The following ZNF496 variants were observed in gnomAD, a reference collection of about 807,000 sequenced individuals.
ZNF496 encodes zinc finger protein 496, also known as NSD1 (nuclear receptor binding SET-domain containing 1)-interacting zinc finger protein 1.
In ZNF496, 11 loss-of-function variants were observed where a neutral mutation model predicts 58.9. The ratio of observed to expected loss-of-function variants is 0.19; its 90% CI spans 0.12 to 0.31. The LOEUF (loss-of-function observed/expected upper bound fraction) is 0.31. Ranked by LOEUF, ZNF496 falls within the 10% of genes least tolerant of loss-of-function variation. ZNF496 has a pLI of 1.00. For synonymous variants in ZNF496, 338 were observed against 318.2 expected (o/e 1.06, Z -0.66); for missense variants, 660 against 783.0 (o/e 0.84, Z 1.88).
intron 5 of ZNF496, among the ~76,000 whole-genome samples, chr1:247,326,053 C>CAG (rs1660111122): frequency 1.2e-5 from 1 of 80,326 alleles, no homozygotes; most frequent in Non-Finnish European, 2.9e-5. Flanking sequence ...TATATATACA[C>CAG]ACACACACAC....
chr1:247,318,192 G>A (rs556245238), intron 6 of ZNF496, among the ~76,000 whole-genome samples: 15 of 152,206 alleles, frequency 9.9e-5, no homozygotes, highest in African/African-American at 3.6e-4. Flanking sequence ...ACAACAGAGA[G>A]AATACAGGCT....
At chr1:247,323,339 A>T in intron 5 of ZNF496, 109 bp from the exon 6 acceptor site, 1 of 735,866 alleles carries the variant, frequency 1.4e-6, no homozygotes, top group Non-Finnish European at 2.3e-6. Context: ...AGCAAAGAAA[A>T]TCACAAGAGA....
Position 247,331,854 on chromosome 1 carries a change from C to G in ZNF496, c.-434G>C, listed in dbSNP as rs1331984225. On this transcript the variant is annotated 5_prime_UTR_variant, in exon 1 of 10. Coordinates refer to ENST00000682384, the MANE Select transcript of ZNF496 (RefSeq NM_032752.3). Reference sequence around the variant, plus strand: ...GCCGCCGCGGGAGCCCGCCGGACGCCGAGGAAAGGAAAGGCCGGAGCCCTC... The same window carrying G: ...GCCGCCGCGGGAGCCCGCCGGACGCGGAGGAAAGGAAAGGCCGGAGCCCTC... The G allele has an allele frequency of 1.3e-5, 2 of 149,284 alleles. No homozygotes were observed. The highest frequency in any genetic ancestry group is 3.0e-5 in the Non-Finnish European group (2 of 67,098). 9.2% of individuals were successfully genotyped at this position (149,284 alleles called of 1,614,324 possible).
intron 5 of ZNF496, among the ~76,000 whole-genome samples, chr1:247,325,051 T>C (rs950715540): frequency 3.3e-5 from 5 of 152,262 alleles, no homozygotes; most frequent in African/African-American, 7.2e-5. Flanking sequence ...AGCTGTGCTA[T>C]AGTCTACTGG....
At position 247,309,596 on chromosome 1, in the gene ZNF496, G is replaced by A. The variant is rs1307922969; in HGVS notation, c.892+103C>T. On this transcript the variant is annotated intron_variant, in intron 8 of 9. Coordinates refer to ENST00000682384, the MANE Select transcript of ZNF496 (RefSeq NM_032752.3). The surrounding 1 kb of genome is among the most constrained non-coding windows in gnomAD (Gnocchi z 4.3). ...ACATAGAGTCTGGGGAAATGAAGAA[G>A]GCAATTAGGGGCCGCAGAGAGAAGC... 8.6e-6 allele frequency: 13 copies of A among 1,510,964 alleles called. No homozygotes were observed. Among genetic ancestry groups the A allele is most frequent in the Admixed American group, 6.6e-5 (3 of 45,452 alleles). 93.6% of individuals were successfully genotyped at this position (1,510,964 alleles called of 1,614,324 possible).
intron 6 of ZNF496, chr1:247,312,733 CA>C (rs35362670): frequency 0.9 from 114,525 of 127,458 alleles, 51,891 homozygotes; most frequent in East Asian, 0.98. Context: ...GACTCCATCT[CA>C]AAAAAAAAAA....
At chr1:247,303,453 T>C (rs1472971979) in intron 9 of ZNF496, among the ~76,000 whole-genome samples, 1 of 152,218 alleles carries the variant, frequency 6.6e-6, no homozygotes, top group Non-Finnish European at 1.5e-5. Context: ...GAAGTGATTT[T>C]AGAACTAGGT....
rs1405653429 is a variant in ZNF496, at chr1:247,329,435, G to C, written c.144C>G (p.Phe48Leu). Residue 48 changes from phenylalanine to leucine, a missense_variant, in exon 4 of 10, where the codon TTC becomes TTG. Coordinates refer to ENST00000682384, the MANE Select transcript of ZNF496 (RefSeq NM_032752.3). This position sits in a 1 kb window ranked among gnomAD's most constrained non-coding sequence, Gnocchi z 5.5. ...PESSRRLFRR[F>L]RYQEAAGPRE... ...GGGGGCCCGCCGCCTCCTGGTAGCG[G>C]AAACGGCGGAAGAGACGCCGAGAGG... The C allele has an allele frequency of 6.2e-7, 1 of 1,613,066 alleles. No homozygotes were observed. The highest frequency in any genetic ancestry group is 1.3e-5 in the African/African-American group (1 of 74,928).
chr1:247,321,536 A>T (rs1473985914), intron 6 of ZNF496, among the ~76,000 whole-genome samples: 1 of 152,226 alleles, frequency 6.6e-6, no homozygotes, highest in African/African-American at 2.4e-5. Context: ...TACCACAATT[A>T]AAAACAGAAA....
chr1:247,322,390 TCA>T (rs968471229), intron 6 of ZNF496, among the ~76,000 whole-genome samples: 4 of 152,228 alleles, frequency 2.6e-5, no homozygotes, highest in East Asian at 1.9e-4. Context: ...CTACTGTTTT[TCA>T]CAGTTTTCTG....
rs539020308 is a variant in ZNF496 at position 247,329,377 on chromosome 1, C to T, written c.202G>A (p.Gly68Arg). 1.9e-4 allele frequency: 309 copies of T among 1,613,504 alleles called. 2 individuals are homozygous for T. Among genetic ancestry groups the T allele is most frequent in the South Asian group, 6.6e-4 (60 of 91,084 alleles). The part of the protein sequence containing the change: ...EALQRLWDLC[G>R]GWLRPERHTK... ...TGCCTCTCAGGCCGCAGCCAGCCCC[C>T]GCACAGGTCCCAGAGGCGCTGCAGG... Residue 68 changes from glycine (G) to arginine (R), a missense_variant, in exon 4 of 10, where the codon GGG becomes AGG. Transcript: ENST00000682384. The surrounding 1 kb of genome is among the most constrained non-coding windows in gnomAD (Gnocchi z 5.5).
intron 6 of ZNF496, among the ~76,000 whole-genome samples, chr1:247,319,777 G>A (rs1314660936): frequency 2.0e-5 from 3 of 152,010 alleles, no homozygotes; most frequent in African/African-American, 4.8e-5. Context: ...ACAAAAATGA[G>A]CCGGGCCTGG....
rs751906836 is a variant in ZNF496, at chr1:247,301,156, C to T, written c.1127G>A (p.Gly376Glu). 6.2e-7 allele frequency: 1 copy of T among 1,613,128 alleles called. No individual in the cohort carries two copies. Among genetic ancestry groups the T allele is most frequent in the South Asian group, 1.1e-5 (1 of 91,044 alleles). Residue 376 changes from glycine (G) to glutamate (E), a missense_variant, in exon 10 of 10, where the codon GGG (glycine) becomes GAG (glutamate). Coordinates refer to ENST00000682384, the MANE Select transcript of ZNF496 (RefSeq NM_032752.3). Reference sequence around the variant, plus strand: ...GCTGCGCTGCTTCTCTGTGGGGCTCCCCAGCTCTTCTGTGCAGTACGGGCC... The same window carrying T: ...GCTGCGCTGCTTCTCTGTGGGGCTCTCCAGCTCTTCTGTGCAGTACGGGCC... ...QHGPYCTEEL[G>E]SPTEKQRSLP...
chr1:247,314,943 A>G (rs529251871), intron 6 of ZNF496, among the ~76,000 whole-genome samples: 7 of 151,070 alleles, frequency 4.6e-5, no homozygotes, highest in African/African-American at 1.7e-4. Flanking sequence ...GTAGAGATGG[A>G]GTTTCACCAT....
chr1:247,310,064 G>A, intron 7 of ZNF496: 1 of 1,428,432 alleles, frequency 7.0e-7, no homozygotes, highest in Non-Finnish European at 9.1e-7. Flanking sequence ...AACGATGGAA[G>A]AGAAATGGAC....
rs1572077321 is a variant in ZNF496 at position 247,309,923 on chromosome 1, G to A, written c.785-117C>T. On this transcript the variant is annotated intron_variant, in intron 7 of 9. Coordinates refer to ENST00000682384, the MANE Select transcript of ZNF496 (RefSeq NM_032752.3). The surrounding 1 kb of genome is among the most constrained non-coding windows in gnomAD (Gnocchi z 4.3). ...CCCAGCGGGCATGGCACCATCAGGGGCGAGAAGTGAAAAGGCCAGAGCTGG... is the reference window on the plus strand; with the variant it reads ...CCCAGCGGGCATGGCACCATCAGGGACGAGAAGTGAAAAGGCCAGAGCTGG... 1.5e-6 allele frequency: 2 copies of A among 1,375,864 alleles called. No individual in the cohort carries two copies. The highest frequency in any genetic ancestry group is 2.5e-5 in the East Asian group (1 of 40,554). 85.2% of individuals were successfully genotyped at this position (1,375,864 alleles called of 1,614,324 possible).
chr1:247,328,015 A>C (rs1444118707), intron 5 of ZNF496, among the ~76,000 whole-genome samples: 1 of 152,244 alleles, frequency 6.6e-6, no homozygotes, highest in Non-Finnish European at 1.5e-5. Context: ...ACCCCAAAAA[A>C]GGTAATTACT....
At chr1:247,302,164 G>C (rs1039641437) in intron 9 of ZNF496, among the ~76,000 whole-genome samples, 13 of 152,168 alleles carry the variant, frequency 8.5e-5, no homozygotes, top group African/African-American at 2.9e-4. Context: ...TAGAACTTGG[G>C]GGGAGTGAAC....
intron 6 of ZNF496, among the ~76,000 whole-genome samples, chr1:247,314,594 G>A (rs944147416): frequency 6.6e-6 from 1 of 152,108 alleles, no homozygotes; most frequent in Non-Finnish European, 1.5e-5. Context: ...TATATTACTA[G>A]TATCTATGTG....
Sources: gnomAD v4.1 joint callset for allele counts (sites outside exome capture counted in the v4.1 genomes callset) on GRCh38, gnomAD v4.1.1 for gene constraint, Gnocchi (gnomAD v3.1) non-coding constraint, MANE v1.5 for transcripts, NCBI Gene and HGNC (gene_info 2026-07-23, HGNC 2026-07-21) for gene names.